Variants in GABPB1 observed in about 807,000 individuals in gnomAD.
GABPB1 encodes the protein GA binding protein transcription factor subunit beta 1, also known as GA-binding protein subunit beta-1.
In GABPB1, 15 loss-of-function variants were observed where a neutral mutation model predicts 45.9. The observed-to-expected ratio is 0.33, with a 90% CI of 0.22 to 0.50. The LOEUF (loss-of-function observed/expected upper bound fraction) is 0.50. Ranked by LOEUF, GABPB1 falls within the 20% of genes least tolerant of loss-of-function variation. The probability of loss-of-function intolerance (pLI) is 0.98; values close to 1 mark genes in which losing one functional copy is unlikely to be tolerated. For synonymous variants in GABPB1, 143 were observed against 154.4 expected (o/e 0.93, Z 0.55); for missense variants, 252 against 457.5 (o/e 0.55, Z 4.10).
At chr15:50,296,254 G>A (rs1455972469) in intron 6 of GABPB1, among the ~76,000 whole-genome samples, 1 of 152,050 alleles carries the variant, frequency 6.6e-6, no homozygotes, top group African/African-American at 2.4e-5. Context: ...AATATGAGCA[G>A]GAACAATGAG....
At chr15:50,345,719 TG>T (rs1555516848) in intron 1 of GABPB1, among the ~76,000 whole-genome samples, 3 of 145,520 alleles carry the variant, frequency 2.1e-5, no homozygotes, top group Non-Finnish European at 4.6e-5. Context: ...CATTTTTTTT[TG>T]TTTTTTTTTT....
intron 1 of GABPB1, among the ~76,000 whole-genome samples, chr15:50,319,446 T>A (rs2047475718): frequency 6.6e-6 from 1 of 152,164 alleles, no homozygotes; most frequent in Admixed American, 6.5e-5. Flanking sequence ...CCTCCCCGCT[T>A]TTGGACTCCC....
intron 8 of GABPB1, among the ~76,000 whole-genome samples, chr15:50,283,362 A>C (rs946533190): frequency 3.3e-5 from 5 of 152,086 alleles, no homozygotes; most frequent in Non-Finnish European, 7.4e-5. Context: ...CAAAAAAAAA[A>C]ACCTATTTTA....
intron 1 of GABPB1, chr15:50,353,438 T>C (rs2048936981): frequency 6.6e-6 from 1 of 152,152 alleles, no homozygotes; most frequent in Non-Finnish European, 1.5e-5. Context: ...TTCCAGAGGT[T>C]ACATGGTGTG....
chr15:50,311,551 C>T (rs1053865131), intron 1 of GABPB1, among the ~76,000 whole-genome samples: 3 of 152,148 alleles, frequency 2.0e-5, no homozygotes, highest in Non-Finnish European at 2.9e-5. Flanking sequence ...AAAGGAAATA[C>T]TCATTAGAGC....
intron 1 of GABPB1, among the ~76,000 whole-genome samples, chr15:50,331,702 A>G (rs2047953451): frequency 6.6e-6 from 1 of 152,170 alleles, no homozygotes; most frequent in African/African-American, 2.4e-5. Flanking sequence ...CAAGAACTGA[A>G]ACAAGCGTAC....
intron 8 of GABPB1, chr15:50,282,528 T>A: frequency 7.1e-6 from 1 of 139,884 alleles, no homozygotes; most frequent in Non-Finnish European, 1.4e-5. Flanking sequence ...CACTTCTGCC[T>A]GGGTGACAAA....
At chr15:50,301,482 T>G in intron 4 of GABPB1, 114 bp from the exon 5 acceptor site, 1 of 950,210 alleles carries the variant, frequency 1.1e-6, no homozygotes, top group Non-Finnish European at 1.6e-6. Context: ...AATCACATAG[T>G]ACAAGTGGAA....
In GABPB1 at chr15:50,286,124, C is replaced by G. The variant is rs779834600; in HGVS notation, c.943G>C (p.Ala315Pro). 19 of 1,611,676 alleles carry G rather than the reference C, an allele frequency of 1.2e-5. No homozygotes were observed. In the Admixed American group the frequency reaches 3.2e-4, roughly 27 times the overall value. Residue 315 changes from alanine (A) to proline (P), a missense_variant, in exon 8 of 9, where the codon GCT becomes CCT. By Grantham distance (27) the Ala-to-Pro change is conservative. Transcript: ENST00000380877. ...EETVISEEPP[A>P]KRQCIEIIEN... Reference sequence around the variant, plus strand: ...ATTATTTCGATACATTGTCTCTTAGCTGGTGGTTCTTCACTTATAACAGTT... The same window carrying G: ...ATTATTTCGATACATTGTCTCTTAGGTGGTGGTTCTTCACTTATAACAGTT...
At chr15:50,286,392 T>C (rs953983458) in intron 7 of GABPB1, among the ~76,000 whole-genome samples, 1 of 152,058 alleles carries the variant, frequency 6.6e-6, no homozygotes, top group Non-Finnish European at 1.5e-5. Context: ...CTTATTAAAG[T>C]ACCTACAAAT....
intron 3 of GABPB1, 62 bp from the exon 4 acceptor site, chr15:50,303,185 T>C (rs1487773554): frequency 2.4e-5 from 31 of 1,281,982 alleles, no homozygotes; most frequent in Admixed American, 4.1e-5. Flanking sequence ...ATTCCTGATA[T>C]GAAATTATTA....
intron 1 of GABPB1, among the ~76,000 whole-genome samples, chr15:50,340,865 T>C (rs946787365): frequency 9.9e-6 from 1 of 101,150 alleles, no homozygotes; most frequent in African/African-American, 4.3e-5. Context: ...TTACATATGG[T>C]TTATTACCAT....
intron 6 of GABPB1, among the ~76,000 whole-genome samples, chr15:50,299,461 G>A (rs558754167): frequency 1.5e-3 from 232 of 152,206 alleles, no homozygotes; most frequent in African/African-American, 5.4e-3. Flanking sequence ...GTGCAATGGC[G>A]TGATCTCGGC....
At chr15:50,287,290 C>T (rs1022515210) in intron 7 of GABPB1, among the ~76,000 whole-genome samples, 3 of 151,886 alleles carry the variant, frequency 2.0e-5, no homozygotes, top group African/African-American at 7.3e-5. Flanking sequence ...TTCCCTCTGC[C>T]CCATCAACAT....
intron 6 of GABPB1, among the ~76,000 whole-genome samples, chr15:50,291,078 A>G (rs7181995): frequency 7.7e-4 from 118 of 152,358 alleles, no homozygotes; most frequent in African/African-American, 2.8e-3. Flanking sequence ...TATGCAAAAC[A>G]TGGATGAACC....
chr15:50,304,393 G>A (rs2046867059), intron 2 of GABPB1, among the ~76,000 whole-genome samples: 1 of 152,054 alleles, frequency 6.6e-6, no homozygotes, highest in Admixed American at 6.6e-5. Context: ...TAAACTGCCT[G>A]AACAAAATTA....
chr15:50,354,334 G>C (rs778467125), intron 1 of GABPB1: 2 of 447,226 alleles, frequency 4.5e-6, no homozygotes, highest in African/African-American at 4.1e-5. Context: ...CCGCGGCCAA[G>C]GCTGTCGCTG....
chr15:50,342,365 T>A (rs138488838), intron 1 of GABPB1, among the ~76,000 whole-genome samples: 1 of 152,308 alleles, frequency 6.6e-6, no homozygotes, highest in Non-Finnish European at 1.5e-5. Context: ...GGCTAATGGT[T>A]TATCTTATTC....
chr15:50,333,653 G>C (rs577612256), intron 1 of GABPB1, among the ~76,000 whole-genome samples: 1 of 151,924 alleles, frequency 6.6e-6, no homozygotes, highest in Non-Finnish European at 1.5e-5. Context: ...ATTTTCACTG[G>C]GCATAAAATT....
Sources: allele counts gnomAD v4.1 joint callset (sites outside exome capture counted in the v4.1 genomes callset), GRCh38; gene constraint gnomAD v4.1.1; transcripts MANE v1.5; gene names NCBI Gene and HGNC (gene_info 2026-07-23, HGNC 2026-07-21).